The following FRMD5 variants were observed in gnomAD, a reference collection of about 807,000 sequenced individuals.
FRMD5 encodes the protein FERM domain containing 5, also known as FERM domain-containing protein 5.
FRMD5 carries 20 observed loss-of-function variants against 69.0 expected under a neutral mutation model. The observed-to-expected ratio is 0.29, with a 90% CI of 0.20 to 0.42. FRMD5 has a LOEUF of 0.42. Ranked by LOEUF, FRMD5 falls within the 10% of genes least tolerant of loss-of-function variation. The pLI, the probability that FRMD5 is intolerant of heterozygous loss-of-function variation, is 1.00. For synonymous variants in FRMD5, 271 were observed against 260.1 expected (o/e 1.04, Z -0.40); for missense variants, 595 against 708.6 (o/e 0.84, Z 1.82).
intron 1 of FRMD5, among the ~76,000 whole-genome samples, chr15:43,963,146 C>T (rs1340406749): frequency 6.6e-6 from 1 of 152,140 alleles, no homozygotes; most frequent in Non-Finnish European, 1.5e-5. Flanking sequence ...AAAAGTTTTG[C>T]AACCTACTCA....
chr15:43,968,272 C>A (rs2090325684), intron 1 of FRMD5, among the ~76,000 whole-genome samples: 2 of 151,984 alleles, frequency 1.3e-5, no homozygotes. Context: ...AAATAGAAGG[C>A]CTAGGTGATA....
chr15:43,921,254 A>T (rs1277990528), intron 2 of FRMD5, among the ~76,000 whole-genome samples: 1 of 152,258 alleles, frequency 6.6e-6, no homozygotes, highest in East Asian at 1.9e-4. Flanking sequence ...TGAGGAGAAC[A>T]TAGCCAGTGC....
chr15:44,195,296 T>G (rs1418279945), upstream of FRMD5: 2 of 471,262 alleles, frequency 4.2e-6, no homozygotes, highest in Non-Finnish European at 3.8e-6. Context: ...CCAGTGCCCG[T>G]GCCCAGCTCG....
intron 1 of FRMD5, among the ~76,000 whole-genome samples, chr15:44,116,857 G>A (rs144320935): frequency 6.6e-5 from 10 of 152,100 alleles, no homozygotes; most frequent in Non-Finnish European, 1.2e-4. Flanking sequence ...TGAGGCGGGC[G>A]GATCACCTGA....
intron 4 of FRMD5, among the ~76,000 whole-genome samples, chr15:43,916,254 G>A (rs2089385209): frequency 6.6e-6 from 1 of 152,208 alleles, no homozygotes; most frequent in African/African-American, 2.4e-5. Context: ...TGCTTACCAG[G>A]ACTTGGATGA....
intron 1 of FRMD5, among the ~76,000 whole-genome samples, chr15:43,982,495 T>A (rs2090563740): frequency 6.6e-6 from 1 of 152,228 alleles, no homozygotes; most frequent in African/African-American, 2.4e-5. Flanking sequence ...GTCCTGATCA[T>A]AAACTCAACT....
chr15:43,943,906 A>G (rs2089902468), intron 1 of FRMD5, among the ~76,000 whole-genome samples: 1 of 152,230 alleles, frequency 6.6e-6, no homozygotes, highest in African/African-American at 2.4e-5. Flanking sequence ...CTTCAGGGCA[A>G]AAGTTCCACA....
At chr15:44,185,889 T>C (rs2078092211) in intron 1 of FRMD5, among the ~76,000 whole-genome samples, 1 of 152,152 alleles carries the variant, frequency 6.6e-6, no homozygotes, top group South Asian at 2.1e-4. Flanking sequence ...CATGAGATCC[T>C]TATGTGAATT....
intron 1 of FRMD5, among the ~76,000 whole-genome samples, chr15:43,934,145 C>A (rs1004708980): frequency 3.9e-5 from 6 of 152,182 alleles, no homozygotes; most frequent in African/African-American, 9.7e-5. Context: ...ATCCAGCTGC[C>A]CCTCCATGGA....
chr15:44,159,311 G>T (rs952145926), intron 1 of FRMD5, among the ~76,000 whole-genome samples: 1 of 152,164 alleles, frequency 6.6e-6, no homozygotes, highest in Non-Finnish European at 1.5e-5. Context: ...AGACTGAGTG[G>T]CAAGAGAAAG....
rs749767524 is a variant in FRMD5 at position 43,888,841 on chromosome 15, T to G, written c.760A>C (p.Lys254Gln). The G allele has an allele frequency of 6.8e-6, 11 of 1,614,054 alleles. No homozygotes were observed. Among genetic ancestry groups the G allele is most frequent in the Non-Finnish European group, 9.3e-6 (11 of 1,179,928 alleles). The change falls in exon 9 of 14, where the codon AAG becomes CAG. Residue 254 changes from lysine to glutamine, a missense_variant. Coordinates refer to ENST00000417257, the MANE Select transcript of FRMD5 (RefSeq NM_032892.5). ...TGACTTACGTATAAATAGAAAGTCT[T>G]TCCTTCAAATTTCAGCTTGGTCACC... is the stretch of plus-strand genomic sequence containing the variant. ...NEVTKLKFEG[K>Q]TFYLYVSQKE...
At chr15:44,092,033 C>T (rs535430408) in intron 1 of FRMD5, among the ~76,000 whole-genome samples, 4 of 152,070 alleles carry the variant, frequency 2.6e-5, no homozygotes, top group Non-Finnish European at 5.9e-5. Context: ...TTAATGCTCC[C>T]GATTTTTAAT....
chr15:43,895,255 G>C (rs2088886974), intron 7 of FRMD5, among the ~76,000 whole-genome samples: 1 of 152,216 alleles, frequency 6.6e-6, no homozygotes, highest in African/African-American at 2.4e-5. Flanking sequence ...AAAAGGAGAA[G>C]TAATTCACTG....
At chr15:44,168,645 TTCAGGAATCAACTTAAATGTA>T (rs1400581421) in intron 1 of FRMD5, among the ~76,000 whole-genome samples, 2 of 152,314 alleles carry the variant, frequency 1.3e-5, no homozygotes, top group Non-Finnish European at 2.9e-5. Context: ...CCAATCAGAG[TTCAGGAATCAACTTAAATGTA>T]TGTTAGCGTT....
chr15:44,165,935 T>A (rs565298107), intron 1 of FRMD5, among the ~76,000 whole-genome samples: 1 of 152,292 alleles, frequency 6.6e-6, no homozygotes, highest in South Asian at 2.1e-4. Context: ...TGTAAAAGAA[T>A]TTTTTTCACT....
intron 1 of FRMD5, among the ~76,000 whole-genome samples, chr15:44,039,919 GA>G (rs2140310805): frequency 6.6e-6 from 1 of 152,048 alleles, no homozygotes; most frequent in East Asian, 1.9e-4. Flanking sequence ...AGGAAGCTAA[GA>G]ACCTTGAAAA....
chr15:44,185,081 T>G (rs892325945), intron 1 of FRMD5, among the ~76,000 whole-genome samples: 3 of 152,216 alleles, frequency 2.0e-5, no homozygotes, highest in African/African-American at 7.2e-5. Flanking sequence ...TAAGATAAAT[T>G]TAAAAGTAAG....
At chr15:43,906,068 A>G (rs1301977444) in intron 5 of FRMD5, 117 bp from the exon 6 acceptor site, 1 of 1,296,220 alleles carries the variant, frequency 7.7e-7, no homozygotes, top group Non-Finnish European at 1.1e-6. Context: ...TTTATAAGAA[A>G]CAGTGGATTC....
intron 1 of FRMD5, among the ~76,000 whole-genome samples, chr15:43,955,394 TC>T (rs958390655): frequency 6.6e-6 from 1 of 152,226 alleles, no homozygotes; most frequent in African/African-American, 2.4e-5. Context: ...ACCTGCTCTC[TC>T]AGGCTTAAAA....
Sources: allele counts gnomAD v4.1 joint callset (sites outside exome capture counted in the v4.1 genomes callset), GRCh38; gene constraint gnomAD v4.1.1; transcripts MANE v1.5; gene names NCBI Gene and HGNC (gene_info 2026-07-23, HGNC 2026-07-21).